TMEM258: variants seen among roughly 807,000 people sequenced by gnomAD.
TMEM258 encodes transmembrane protein 258.
Under a neutral mutation model 9.9 loss-of-function variants are expected in TMEM258, and 11 were observed. The observed-to-expected ratio is 1.11, with a 90% CI of 0.70 to 1.85. The LOEUF is 1.85. TMEM258 is among the 40% of genes most tolerant of loss of function. The pLI is 0.00. For missense variants in TMEM258, 81 were observed against 99.7 expected (o/e 0.81, Z 0.80); for synonymous variants, 40 against 39.1 (o/e 1.02, Z -0.09).
chr11:61,790,376 TTC>T, intron 2 of TMEM258, 115 bp downstream of exon 2: 1 of 923,256 alleles, frequency 1.1e-6, no homozygotes, highest in South Asian at 1.5e-5. Flanking sequence ...CCTCCTTACC[TTC>T]TCTCAGCCCC....
chr11:61,790,956 G>A lies in TMEM258; in HGVS notation c.4-354C>T, dbSNP rs112786009. 3.4e-3 allele frequency among the ~76,000 whole-genome samples: 522 copies of A among 151,728 alleles called. 4 individuals carry two copies. The highest frequency in any genetic ancestry group is 0.012 in the African/African-American group (487 of 41,366). On this transcript the variant is annotated intron_variant, in intron 1 of 3. Coordinates refer to ENST00000537328, the MANE Select transcript of TMEM258 (RefSeq NM_014206.4). The stretch of plus-strand genomic sequence containing the variant: ...GATCTCAATATCTTTTTTTTTTGAC[G>A]GAGTCTCATTTTTTGGACGGCGTCT...
intron 3 of TMEM258, 124 bp downstream of exon 3, chr11:61,789,661 C>T: frequency 1.7e-6 from 2 of 1,149,814 alleles, no homozygotes; most frequent in African/African-American, 1.6e-5. Context: ...TCCACTGAGT[C>T]TGTCTCCATC....
intron 3 of TMEM258, among the ~76,000 whole-genome samples, 157 bp from the exon 4 acceptor site, chr11:61,789,392 T>C (rs1376135139): frequency 6.6e-6 from 1 of 152,206 alleles, no homozygotes; most frequent in Non-Finnish European, 1.5e-5. Flanking sequence ...GTGGATTGTC[T>C]GCAGCAAGTT....
chr11:61,790,977 C>T (rs1184384409), intron 1 of TMEM258, among the ~76,000 whole-genome samples: 1 of 151,914 alleles, frequency 6.6e-6, no homozygotes, highest in South Asian at 2.1e-4. Context: ...TTTTGGACGG[C>T]GTCTCACTCT....
At chr11:61,792,393 T>G (rs907192965) in intron 1 of TMEM258, 163 bp downstream of exon 1, 7 of 985,842 alleles carry the variant, frequency 7.1e-6, no homozygotes, top group Non-Finnish European at 9.4e-6. Context: ...CCTAAGGAGT[T>G]CATGGCAAGG....
rs768270262 is a variant in TMEM258, at chr11:61,792,568, C to A, written c.-10G>T. ...TCAACGCTCTCACCATTTTGCCCCGCGAAGGCTAATCCGCCGCTCCGCCAC... is the reference window on the plus strand; with the variant it reads ...TCAACGCTCTCACCATTTTGCCCCGAGAAGGCTAATCCGCCGCTCCGCCAC... On this transcript the variant is annotated 5_prime_UTR_variant, in exon 1 of 4. Coordinates refer to ENST00000537328, the MANE Select transcript of TMEM258 (RefSeq NM_014206.4). 1.1e-5 allele frequency: 18 copies of A among 1,613,838 alleles called. No homozygotes were observed. Among genetic ancestry groups the A allele is most frequent in the Non-Finnish European group, 1.3e-5 (15 of 1,180,018 alleles).
chr11:61,790,594 C>G lies in TMEM258; in HGVS notation c.12G>C (p.Glu4Asp). The G allele has an allele frequency of 6.2e-7, 1 of 1,613,546 alleles. No individual in the cohort carries two copies. Among genetic ancestry groups the G allele is most frequent in the Non-Finnish European group, 8.5e-7 (1 of 1,179,726 alleles). Reference protein sequence around the residue: MELEAMSRYTSPVN... With the variant: MELDAMSRYTSPVN... ...CTGGGCTGGTATATCTGCTCATGGC[C>G]TCGAGCTCCTAGAGGAGGGAAAGAG... The change falls in exon 2 of 4, where the codon GAG becomes GAC. Residue 4 changes from glutamate to aspartate, a missense_variant. Coordinates refer to ENST00000537328, the MANE Select transcript of TMEM258 (RefSeq NM_014206.4).
intron 3 of TMEM258, among the ~76,000 whole-genome samples, chr11:61,789,515 C>G (rs2066765221): frequency 6.6e-6 from 1 of 152,234 alleles, no homozygotes; most frequent in Non-Finnish European, 1.5e-5. Context: ...ATGCCTGCGT[C>G]CACACTTCTA....
chr11:61,790,405 C>T, intron 2 of TMEM258, 88 bp downstream of exon 2: 2 of 1,171,174 alleles, frequency 1.7e-6, no homozygotes, highest in Non-Finnish European at 2.5e-6. Context: ...ATGTACAAAA[C>T]CGGCGGGGTC....
At chr11:61,790,427 C>T (rs765803216) in intron 2 of TMEM258, 66 bp downstream of exon 2, 9 of 1,416,578 alleles carry the variant, frequency 6.4e-6, no homozygotes, top group East Asian at 4.8e-5. Flanking sequence ...ATGTACCTAG[C>T]GTGGTTTCTC....
rs750649310 is a variant in TMEM258, at chr11:61,789,885, G to A, written c.150C>T (p.Ile50=). 1.9e-6 allele frequency: 3 copies of A among 1,613,514 alleles called. No homozygotes were observed. Among genetic ancestry groups the A allele is most frequent in the Non-Finnish European group, 2.5e-6 (3 of 1,179,698 alleles). The change falls in exon 3 of 4, where the codon ATC becomes ATT. Residue 50 remains isoleucine, a synonymous_variant. Transcript: ENST00000537328. ...CTAAGGAGATGAGGAGCTCTTTATA[G>A]ATATCACGAGTGTACTTGGTAGAGG... is the stretch of plus-strand genomic sequence containing the variant. ...EVTSTKYTRD[I]YKELLISLVA... is the part of the protein sequence containing the mutation.
intron 2 of TMEM258, chr11:61,790,264 G>A (rs2066773569): frequency 3.4e-6 from 2 of 590,140 alleles, no homozygotes; most frequent in South Asian, 4.1e-5. Flanking sequence ...CTCCAGCCAG[G>A]TCCCCTGCTC....
chr11:61,790,663 C>T, intron 1 of TMEM258, 61 bp from the exon 2 acceptor site: 2 of 1,449,688 alleles, frequency 1.4e-6, no homozygotes, highest in Non-Finnish European at 1.9e-6. Flanking sequence ...CTGGAGAGAA[C>T]ATGCGGTTAT....
intron 1 of TMEM258, among the ~76,000 whole-genome samples, chr11:61,791,312 G>A (rs1440008462): frequency 6.6e-6 from 1 of 151,934 alleles, no homozygotes; most frequent in Non-Finnish European, 1.5e-5. Flanking sequence ...GGAGTGCCTG[G>A]AGTGCAGTGG....
chr11:61,792,462 C>G, intron 1 of TMEM258, 94 bp downstream of exon 1: 1 of 1,573,890 alleles, frequency 6.4e-7, no homozygotes, highest in Non-Finnish European at 8.7e-7. Flanking sequence ...GTCTAGCCCT[C>G]TGGATCTCCG....
intron 2 of TMEM258, 92 bp from the exon 3 acceptor site, chr11:61,790,013 A>C: frequency 1.2e-5 from 18 of 1,482,674 alleles, no homozygotes; most frequent in Middle Eastern, 1.8e-4. Flanking sequence ...GCATTGGCTC[A>C]ATGCCTTCTG....
rs2066760997 is a variant in TMEM258 at position 61,789,088 on chromosome 11, C to T, written c.*158G>A. Reference sequence around the variant, plus strand: ...AAGAGATTGGGGAAGCAATGTAGGTCCCAGCACCCACCACCCCTGCAGAAT... The same window carrying T: ...AAGAGATTGGGGAAGCAATGTAGGTTCCAGCACCCACCACCCCTGCAGAAT... On this transcript the variant is annotated 3_prime_UTR_variant, in exon 4 of 4. Transcript: ENST00000537328. 1 of 152,720 alleles carries T rather than the reference C, an allele frequency of 6.5e-6. No homozygotes were observed. The highest frequency in any genetic ancestry group is 2.4e-5 in the African/African-American group (1 of 41,416). The allele number at this position is 152,720 out of a possible 1,614,324, so 9.5% of individuals were successfully genotyped here.
chr11:61,790,045 C>G, intron 2 of TMEM258, 124 bp from the exon 3 acceptor site: 1 of 1,250,606 alleles, frequency 8.0e-7, no homozygotes, highest in Non-Finnish European at 1.1e-6. Context: ...TGGCTCAGAG[C>G]AGCCAGGCAG....
At chr11:61,789,984 C>A in intron 2 of TMEM258, 63 bp from the exon 3 acceptor site, 2 of 1,554,230 alleles carry the variant, frequency 1.3e-6, no homozygotes, top group Non-Finnish European at 8.7e-7. Context: ...GCCCAGCCCA[C>A]GGCAATCTGA....
Sources: allele counts gnomAD v4.1 joint callset (sites outside exome capture counted in the v4.1 genomes callset), GRCh38; gene constraint gnomAD v4.1.1; transcripts MANE v1.5; gene names NCBI Gene and HGNC (gene_info 2026-07-23, HGNC 2026-07-21).